Variants in ZNF385B observed in about 807,000 individuals in gnomAD.
ZNF385B encodes the protein zinc finger protein 533.
ZNF385B carries 23 observed loss-of-function variants against 39.2 expected under a neutral mutation model. The observed-to-expected ratio is 0.59, with a 90% CI of 0.42 to 0.83. The LOEUF is 0.83. Ranked by LOEUF, ZNF385B falls within the 40% of genes least tolerant of loss-of-function variation. The pLI, the probability that ZNF385B is intolerant of heterozygous loss-of-function variation, is 0.00. For synonymous variants in ZNF385B, 205 were observed against 222.6 expected, an observed-to-expected ratio of 0.92 and a Z score of 0.70; for missense variants, 552 against 598.9, an observed-to-expected ratio of 0.92 and a Z score of 0.82.
At chr2:179,642,475 A>T (rs1692355244) in intron 3 of ZNF385B, among the ~76,000 whole-genome samples, 1 of 152,134 alleles carries the variant, frequency 6.6e-6, no homozygotes, top group Non-Finnish European at 1.5e-5. Flanking sequence ...TTCTCATAGA[A>T]ACTATTTTCT....
intron 3 of ZNF385B, among the ~76,000 whole-genome samples, chr2:179,656,876 C>T (rs142031569): frequency 1.8e-4 from 28 of 152,286 alleles, no homozygotes; most frequent in African/African-American, 6.5e-4. Flanking sequence ...TATTATACCT[C>T]TATGTTTCTC....
intron 3 of ZNF385B, among the ~76,000 whole-genome samples, chr2:179,703,527 G>A (rs114768867): frequency 0.029 from 4,456 of 152,218 alleles, 220 homozygotes; most frequent in African/African-American, 0.1. Context: ...TTTGTTCACT[G>A]CTTTCCAATA....
At chr2:179,705,889 G>T (rs1699556189) in intron 3 of ZNF385B, among the ~76,000 whole-genome samples, 1 of 152,198 alleles carries the variant, frequency 6.6e-6, no homozygotes. Flanking sequence ...TTGGCACACA[G>T]GCTATAGTTT....
intron 5 of ZNF385B, among the ~76,000 whole-genome samples, chr2:179,510,388 T>C (rs190564405): frequency 6.6e-6 from 1 of 152,174 alleles, no homozygotes; most frequent in East Asian, 1.9e-4. Flanking sequence ...TGTGTGTACA[T>C]AGGTGAATGT....
intron 3 of ZNF385B, among the ~76,000 whole-genome samples, chr2:179,751,450 G>T (rs1479757727): frequency 6.6e-6 from 1 of 152,016 alleles, no homozygotes; most frequent in Non-Finnish European, 1.5e-5. Context: ...AAAAATTTCT[G>T]GGAAAACATA....
chr2:179,748,895 C>T (rs1035111369), intron 3 of ZNF385B, among the ~76,000 whole-genome samples: 4 of 152,046 alleles, frequency 2.6e-5, no homozygotes, highest in Non-Finnish European at 5.9e-5. Flanking sequence ...TAGACCTGCA[C>T]TGGGGAAGTG....
chr2:179,542,133 T>C (rs901597608), intron 4 of ZNF385B, among the ~76,000 whole-genome samples: 15 of 152,178 alleles, frequency 9.9e-5, no homozygotes. Flanking sequence ...TTCATGACAT[T>C]CCCTTAGGTA....
intron 1 of ZNF385B, among the ~76,000 whole-genome samples, chr2:179,829,358 T>A (rs530850029): frequency 1.3e-5 from 2 of 152,114 alleles, no homozygotes; most frequent in Non-Finnish European, 2.9e-5. Context: ...TACATACATA[T>A]AGAAAAATAT....
chr2:179,657,513 A>G (rs1387953576), intron 3 of ZNF385B, among the ~76,000 whole-genome samples: 1 of 152,228 alleles, frequency 6.6e-6, no homozygotes, highest in Non-Finnish European at 1.5e-5. Context: ...TCCAGGCCAA[A>G]ATGGTCTTAA....
chr2:179,796,561 C>T (rs1027819449), intron 1 of ZNF385B, among the ~76,000 whole-genome samples: 25 of 152,134 alleles, frequency 1.6e-4, no homozygotes, highest in African/African-American at 6.0e-4. Flanking sequence ...TTTCTTTTCC[C>T]CCCATCTTGT....
At chr2:179,521,846 T>C (rs2058530859) in intron 4 of ZNF385B, among the ~76,000 whole-genome samples, 1 of 152,226 alleles carries the variant, frequency 6.6e-6, no homozygotes, top group Non-Finnish European at 1.5e-5. Flanking sequence ...TCACTAATTG[T>C]ATCAAGATTG....
At chr2:179,669,459 ATTT>A (rs778556779) in intron 3 of ZNF385B, among the ~76,000 whole-genome samples, 37 of 152,124 alleles carry the variant, frequency 2.4e-4, no homozygotes, top group Non-Finnish European at 7.4e-5. Context: ...TTCCCAGCAT[ATTT>A]TTTAAGTCTC....
intron 1 of ZNF385B, among the ~76,000 whole-genome samples, chr2:179,792,004 C>G (rs1705358042): frequency 6.6e-6 from 1 of 152,280 alleles, no homozygotes; most frequent in East Asian, 1.9e-4. Flanking sequence ...TCAAGTGACC[C>G]ACCTGCCTTG....
At chr2:179,742,181 A>T (rs1702125291) in intron 3 of ZNF385B, among the ~76,000 whole-genome samples, 2 of 152,050 alleles carry the variant, frequency 1.3e-5, no homozygotes, top group Non-Finnish European at 2.9e-5. Flanking sequence ...TGTAATTTAG[A>T]TTCCATCAGT....
At chr2:179,853,018 C>T (rs570864952) in intron 1 of ZNF385B, among the ~76,000 whole-genome samples, 47 of 152,288 alleles carry the variant, frequency 3.1e-4, no homozygotes, top group African/African-American at 1.1e-3. Context: ...GTTAGATTGA[C>T]CCTTAAGAAC....
chr2:179,630,391 G>T (rs1419546270), intron 3 of ZNF385B, among the ~76,000 whole-genome samples: 1 of 152,226 alleles, frequency 6.6e-6, no homozygotes, highest in East Asian at 1.9e-4. Flanking sequence ...GTCTGGAGTG[G>T]ACCTCCAGCA....
chr2:179,652,233 A>G (rs1311828399), intron 3 of ZNF385B, among the ~76,000 whole-genome samples: 1 of 152,170 alleles, frequency 6.6e-6, no homozygotes, highest in African/African-American at 2.4e-5. Context: ...TTCATTTTTC[A>G]CAGTTTCAAT....
intron 3 of ZNF385B, among the ~76,000 whole-genome samples, chr2:179,759,536 T>C (rs1575437650): frequency 2.0e-5 from 3 of 152,250 alleles, no homozygotes; most frequent in Admixed American, 2.0e-4. Context: ...CATACTTCAC[T>C]CCAATAATAA....
intron 3 of ZNF385B, among the ~76,000 whole-genome samples, chr2:179,584,405 G>A (rs1002724917): frequency 6.6e-6 from 1 of 152,178 alleles, no homozygotes; most frequent in African/African-American, 2.4e-5. Flanking sequence ...AAAGAAAGAC[G>A]GGCATCGAAC....
Sources: gnomAD v4.1 joint callset for allele counts (sites outside exome capture counted in the v4.1 genomes callset) on GRCh38, gnomAD v4.1.1 for gene constraint, MANE v1.5 for transcripts, NCBI Gene and HGNC (gene_info 2026-07-23, HGNC 2026-07-21) for gene names.